LRWD1: variants seen among roughly 807,000 people sequenced by gnomAD.
The protein encoded by LRWD1 is leucine-rich repeat and WD repeat-containing protein 1.
A neutral mutation model predicts 75.6 loss-of-function variants in LRWD1; 76 were observed. The observed-to-expected ratio is 1.01, with a 90% CI of 0.84 to 1.22. The LOEUF (loss-of-function observed/expected upper bound fraction) is 1.22. Among genes scored for constraint, LRWD1 ranks in the 50% most tolerant of loss-of-function variants. LRWD1 has a pLI of 0.00. For synonymous variants in LRWD1, 487 were observed against 377.0 expected, an observed-to-expected ratio of 1.29 and a Z score of -3.38; for missense variants, 917 against 862.0, an observed-to-expected ratio of 1.06 and a Z score of -0.80.
At position 102,468,088 on chromosome 7, in the gene LRWD1, AGAC is replaced by A; in HGVS notation, c.710_712del (p.Asp237del). Reference sequence around the variant, plus strand: ...CCAGACTGGCGGCCTTGAAACGGCCAGACGACGTCCCACTCAGCCTCTCTCCCA... The same window carrying A: ...CCAGACTGGCGGCCTTGAAACGGCCAGACGTCCCACTCAGCCTCTCTCCCA... On this transcript the variant is annotated inframe_deletion, in exon 6 of 15. Coordinates refer to ENST00000292616, the MANE Select transcript of LRWD1 (RefSeq NM_152892.3). 3.1e-6 allele frequency: 5 copies of A among 1,609,398 alleles called. No homozygotes were observed. Among genetic ancestry groups the A allele is most frequent in the Non-Finnish European group, 3.4e-6 (4 of 1,179,604 alleles).
Position 102,472,618 on chromosome 7 carries a change from GC to G in LRWD1, c.1690+15del, listed in dbSNP as rs549677060. ...GCTCAGCGCCTGCCCTGGTGAGCCT[GC>G]CCCCCTGCCCGCCCCATCCCGCGGG... On this transcript the variant is annotated intron_variant, in intron 13 of 14. Transcript: ENST00000292616. The G allele has an allele frequency of 3.1e-6, 5 of 1,609,096 alleles. No individual in the cohort carries two copies. Among genetic ancestry groups the G allele is most frequent in the South Asian group, 1.1e-5 (1 of 90,924 alleles).
intron 5 of LRWD1, 110 bp downstream of exon 5, chr7:102,467,933 G>A (rs1798062413): frequency 1.3e-6 from 2 of 1,502,074 alleles, no homozygotes; most frequent in Non-Finnish European, 1.8e-6. Context: ...CCAGGTCCTG[G>A]CTCACTCCCT....
chr7:102,469,818 C>G lies in LRWD1; in HGVS notation c.1378C>G (p.Leu460Val). The G allele has an allele frequency of 1.2e-6, 2 of 1,606,870 alleles. No homozygotes were observed. The highest frequency in any genetic ancestry group is 1.7e-6 in the Non-Finnish European group (2 of 1,177,032). The change falls in exon 11 of 15, where the codon CTG (leucine) becomes GTG (valine). Residue 460 changes from leucine (L) to valine (V), a missense_variant. Coordinates refer to ENST00000292616, the MANE Select transcript of LRWD1 (RefSeq NM_152892.3). ...CGCCTCCTGCCCGGACGCCCGCCTG[C>G]TGGCCGGCTGCGAGGGCGGCTGCTG... The part of the protein sequence containing the change: ...PVASCPDARL[L>V]AGCEGGCCCW...
Position 102,465,129 on chromosome 7 carries a change from A to T in LRWD1, c.49A>T (p.Ser17Cys), listed in dbSNP as rs765973508. ...GCTAATGCAGCGCGGGCGCCCCAAG[A>T]GCGACCGGCTGGGGAAGATCCGGAG... ...RLLMQRGRPK[S>C]DRLGKIRSLD... Residue 17 changes from serine to cysteine, a missense_variant, in exon 1 of 15, where the codon AGC becomes TGC. Physicochemically the swap from Ser to Cys is moderately radical, Grantham distance 112. Transcript: ENST00000292616. The T allele has an allele frequency of 4.6e-6, 7 of 1,520,142 alleles. No individual in the cohort carries two copies. In the East Asian group the frequency reaches 1.9e-4, roughly 42 times the overall value. The allele number at this position is 1,520,142 out of a possible 1,614,324, so 94.2% of individuals were successfully genotyped here.
rs1299676568 is a variant in LRWD1, at chr7:102,469,040, C to G, written c.1206C>G (p.Pro402=). Residue 402 remains proline (P), a synonymous_variant, in exon 9 of 15, where the codon CCC becomes CCG. Coordinates refer to ENST00000292616, the MANE Select transcript of LRWD1 (RefSeq NM_152892.3). ...CCATCGCCACCCTGTGCTTCAGCCC[C>G]GCCCACGAGACCCATCTCTTCAGTA... is the stretch of plus-strand genomic sequence containing the variant. The part of the protein sequence containing the change: ...KKAIATLCFS[P]AHETHLFTAS... The G allele has an allele frequency of 1.1e-5, 17 of 1,609,076 alleles. No individual in the cohort carries two copies. The highest frequency in any genetic ancestry group is 1.4e-5 in the Non-Finnish European group (16 of 1,178,100).
chr7:102,468,906 C>T lies in LRWD1; in HGVS notation c.1072C>T (p.His358Tyr). ...TCTGATGGTGGTCACACAGGCTGGC[C>T]ACAAGAAGCGCTGGAGTGTGCTGGC... ...TALMVVTQAGHKKRWSVLAAA... is the reference protein window; with the variant it reads ...TALMVVTQAGYKKRWSVLAAA... Residue 358 changes from histidine to tyrosine, a missense_variant, in exon 9 of 15, where the codon CAC becomes TAC. Transcript: ENST00000292616. 1.2e-6 allele frequency: 2 copies of T among 1,612,964 alleles called. No individual in the cohort carries two copies. Among genetic ancestry groups the T allele is most frequent in the South Asian group, 1.1e-5 (1 of 91,080 alleles).
intron 14 of LRWD1, 36 bp downstream of exon 14, chr7:102,472,840 G>A: frequency 5.6e-6 from 9 of 1,611,918 alleles, no homozygotes; most frequent in Non-Finnish European, 7.6e-6. Flanking sequence ...GCTTGGGCTG[G>A]CAAGGCATCA....
At chr7:102,472,403 G>T in intron 12 of LRWD1, 51 bp from the exon 13 acceptor site, 1 of 1,548,996 alleles carries the variant, frequency 6.5e-7, no homozygotes, top group Non-Finnish European at 8.7e-7. Flanking sequence ...TCTAGTGGGA[G>T]AAGGTGTCTG....
rs781363703 is a variant in LRWD1 at position 102,472,324 on chromosome 7, C to A, written c.1534+15C>A. The A allele has an allele frequency of 6.4e-7, 1 of 1,562,380 alleles. No homozygotes were observed. Among genetic ancestry groups the A allele is most frequent in the Admixed American group, 1.9e-5 (1 of 52,456 alleles). ...GGACATCGTGGGTGAGTGAGCTCAG[C>A]TTGTGGGACAGCCTGGCCTCCGGGC... On this transcript the variant is annotated intron_variant, in intron 12 of 14. Coordinates refer to ENST00000292616, the MANE Select transcript of LRWD1 (RefSeq NM_152892.3).
chr7:102,472,769 CCCCTGCTGCCGGCAG>C lies in LRWD1; in HGVS notation c.1775_1789del (p.Leu592_Leu596del), dbSNP rs1404397000. ...CGTCAGCAACATCCTGAAGCAGCCACCCCTGCTGCCGGCAGCCCTGCAGGCCCCCACACAGGTACT... is the reference window on the plus strand; with the variant it reads ...CGTCAGCAACATCCTGAAGCAGCCACCCCTGCAGGCCCCCACACAGGTACT... On this transcript the variant is annotated inframe_deletion, in exon 14 of 15. Coordinates refer to ENST00000292616, the MANE Select transcript of LRWD1 (RefSeq NM_152892.3). The C allele has an allele frequency of 6.2e-7, 1 of 1,613,364 alleles. No homozygotes were observed. The highest frequency in any genetic ancestry group is 8.5e-7 in the Non-Finnish European group (1 of 1,179,968).
In LRWD1 at chr7:102,472,727, A is replaced by G. The variant is rs774487177; in HGVS notation, c.1726A>G (p.Asn576Asp). Residue 576 changes from asparagine to aspartate, a missense_variant, in exon 14 of 15, where the codon AAC (asparagine) becomes GAC (aspartate). By Grantham distance (23) the Asn-to-Asp change is conservative (BLOSUM62 1). Transcript: ENST00000292616. ...TGTGCTCTGTGGGGATGAGGAGGGC[A>G]ACGTGTGGCTCTACGACGTCAGCAA... Reference protein sequence around the residue: ...GIVLCGDEEGNVWLYDVSNIL... With the variant: ...GIVLCGDEEGDVWLYDVSNIL... 1.5e-5 allele frequency: 24 copies of G among 1,613,408 alleles called. No individual in the cohort carries two copies. Among genetic ancestry groups the G allele is most frequent in the Non-Finnish European group, 5.9e-6 (7 of 1,179,952 alleles).
chr7:102,467,171 G>GGGGGGGGT lies in LRWD1; in HGVS notation c.433-167_433-166insGGGGGGTG, dbSNP rs1245223810. ...TGGGTTGTTGCTGGGGTGTGTGTGG[G>GGGGGGGGT]GTGTGTGTGTGTGTGTGTGTGTGTG... On this transcript the variant is annotated intron_variant, in intron 3 of 14. Transcript: ENST00000292616. 3.0e-5 allele frequency among the ~76,000 whole-genome samples: 3 copies of GGGGGGGGT among 99,116 alleles called. 1 individual carries two copies. The highest frequency in any genetic ancestry group is 1.3e-4 in the African/African-American group (3 of 22,752). The allele number at this position is 99,116 out of a possible 152,430, so 65.0% of individuals were successfully genotyped here. A position where few individuals can be genotyped will look rare whatever the true frequency, so the allele number is the denominator to read the frequency against.
chr7:102,472,403 G>C (rs1180516521), intron 12 of LRWD1, 51 bp from the exon 13 acceptor site: 2 of 1,548,996 alleles, frequency 1.3e-6, no homozygotes, highest in Non-Finnish European at 1.7e-6. Context: ...TCTAGTGGGA[G>C]AAGGTGTCTG....
Position 102,467,745 on chromosome 7 carries a change from G to A in LRWD1, c.600G>A (p.Val200=). 6.4e-7 allele frequency: 1 copy of A among 1,551,814 alleles called. No homozygotes were observed. Among genetic ancestry groups the A allele is most frequent in the Non-Finnish European group, 8.7e-7 (1 of 1,147,174 alleles). Residue 200 remains valine, a synonymous_variant, in exon 5 of 15, where the codon GTG becomes GTA. Coordinates refer to ENST00000292616, the MANE Select transcript of LRWD1 (RefSeq NM_152892.3). ...WRVRMISEEL[V]AASRTQVQKA... ...TGCGGATGATCTCTGAGGAGCTGGTGGCCGCCAGTAGGACCCAGGTGCAAA... is the reference window on the plus strand; with the variant it reads ...TGCGGATGATCTCTGAGGAGCTGGTAGCCGCCAGTAGGACCCAGGTGCAAA...
At chr7:102,467,198 G>A (rs983076173) in intron 3 of LRWD1, 141 bp from the exon 4 acceptor site, 3 of 715,516 alleles carry the variant, frequency 4.2e-6, no homozygotes, top group Non-Finnish European at 4.7e-6. Flanking sequence ...GTGTGTGTGT[G>A]TGTGTGTGTG....
rs1352594625 is a variant in LRWD1, at chr7:102,467,177, T to G, written c.433-162T>G. Among the ~76,000 whole-genome samples the G allele has an allele frequency of 2.2e-4, 24 of 110,634 alleles. 2 individuals are homozygous for G. Among genetic ancestry groups the G allele is most frequent in the South Asian group, 7.8e-4 (3 of 3,864 alleles). The allele number at this position is 110,634 out of a possible 152,430, so 72.6% of individuals were successfully genotyped here. On this transcript the variant is annotated intron_variant, in intron 3 of 14. Transcript: ENST00000292616. ...GTTGCTGGGGTGTGTGTGGGGTGTG[T>G]GTGTGTGTGTGTGTGTGTGTGTGTG...
Position 102,469,881 on chromosome 7 carries a change from A to T in LRWD1, c.1441A>T (p.Arg481Trp), listed in dbSNP as rs774859657. The change falls in exon 11 of 15, where the codon AGG becomes TGG. Residue 481 changes from arginine to tryptophan, a missense_variant and splice_region_variant. By Grantham distance (101) the Arg-to-Trp change is moderately radical. Coordinates refer to ENST00000292616, the MANE Select transcript of LRWD1 (RefSeq NM_152892.3). Reference sequence around the variant, plus strand: ...GCGGCTGGACCAGCCCCAAAAGAGGAGGTGAGGCTGGGCAGGGGGCGCCTT... The same window carrying T: ...GCGGCTGGACCAGCCCCAAAAGAGGTGGTGAGGCTGGGCAGGGGGCGCCTT... The part of the protein sequence containing the change: ...DVRLDQPQKR[R>W]VCEVEFVFSE... The T allele has an allele frequency of 1.3e-6, 2 of 1,549,934 alleles. No homozygotes were observed. Among genetic ancestry groups the T allele is most frequent in the South Asian group, 1.2e-5 (1 of 82,674 alleles).
intron 9 of LRWD1, 85 bp from the exon 10 acceptor site, chr7:102,469,489 C>T (rs1279846955): frequency 5.3e-6 from 8 of 1,517,366 alleles, no homozygotes; most frequent in Admixed American, 1.7e-5. Flanking sequence ...GGCCTTGGGA[C>T]CGTGGGCTCA....
rs1210292387 is a variant in LRWD1, at chr7:102,472,543, G to A, written c.1624G>A (p.Val542Met). The A allele has an allele frequency of 1.9e-6, 3 of 1,590,070 alleles. No homozygotes were observed. The highest frequency in any genetic ancestry group is 3.5e-5 in the Admixed American group (2 of 56,906). ...GRGSQSTVAV[V>M]VLARLQWSST... ...GGGCAGCCAGTCCACGGTGGCAGTG[G>A]TGGTCCTGGCGCGGCTGCAATGGTC... The change falls in exon 13 of 15, where the codon GTG becomes ATG. Residue 542 changes from valine (V) to methionine (M), a missense_variant. Transcript: ENST00000292616.
Sources: allele counts gnomAD v4.1 joint callset (sites outside exome capture counted in the v4.1 genomes callset), GRCh38; gene constraint gnomAD v4.1.1; transcripts MANE v1.5; gene names NCBI Gene and HGNC (gene_info 2026-07-23, HGNC 2026-07-21).